TRABD2A: variants seen among roughly 807,000 people sequenced by gnomAD.
The protein encoded by TRABD2A is metalloprotease TIKI1.
TRABD2A carries 43 observed loss-of-function variants against 45.6 expected under a neutral mutation model. That is an observed-to-expected ratio of 0.94 (90% CI 0.74 to 1.22). The LOEUF is 1.22. TRABD2A is among the 50% of genes most tolerant of loss of function. TRABD2A has a pLI of 0.00. For synonymous variants in TRABD2A, 269 were observed against 265.0 expected (o/e 1.02, Z -0.15); for missense variants, 642 against 652.4 (o/e 0.98, Z 0.17).
chr2:84,850,781 T>G (rs757814202), intron 2 of TRABD2A: 2 of 152,190 alleles, frequency 1.3e-5, no homozygotes, highest in African/African-American at 2.4e-5. Context: ...TTATCCTGAT[T>G]AGCAAAAGAG....
chr2:84,839,021 G>T, intron 4 of TRABD2A, 128 bp downstream of exon 4: 1 of 1,059,136 alleles, frequency 9.4e-7, no homozygotes, highest in Non-Finnish European at 1.4e-6. Flanking sequence ...AATAAGTCAA[G>T]GAAGGTGTCA....
At chr2:84,873,436 A>T (rs1384590250) in intron 1 of TRABD2A, among the ~76,000 whole-genome samples, 1 of 152,140 alleles carries the variant, frequency 6.6e-6, no homozygotes, top group Non-Finnish European at 1.5e-5. Flanking sequence ...GAAAAAAAAA[A>T]ATTAAAAACC....
At chr2:84,855,249 G>T (rs1035098953) in intron 2 of TRABD2A, among the ~76,000 whole-genome samples, 1 of 150,504 alleles carries the variant, frequency 6.6e-6, no homozygotes, top group African/African-American at 2.5e-5. Context: ...TTTCAAGAAG[G>T]GCAAGATACA....
At chr2:84,847,269 C>A (rs989521420) in intron 2 of TRABD2A, among the ~76,000 whole-genome samples, 12 of 152,222 alleles carry the variant, frequency 7.9e-5, no homozygotes, top group Non-Finnish European at 1.3e-4. Flanking sequence ...CTCTGAAGGA[C>A]CCCTCTCTGA....
chr2:84,846,181 C>T (rs1012896174), intron 2 of TRABD2A, among the ~76,000 whole-genome samples: 2 of 152,172 alleles, frequency 1.3e-5, no homozygotes, highest in African/African-American at 2.4e-5. Flanking sequence ...GAAGTTTGAA[C>T]AGTGGGCTGT....
rs1681295764 is a variant in TRABD2A at position 84,830,450 on chromosome 2, A to T, written c.1082+1605T>A. ...CGTGAAGACAATGACCTTGAAAAAG[A>T]ACAACATGAAACCACGGAGGGTTTG... On this transcript the variant is annotated intron_variant, in intron 5 of 6. Coordinates refer to ENST00000409520, the MANE Select transcript of TRABD2A (RefSeq NM_001277053.2). This position sits in a 1 kb window ranked among gnomAD's most constrained non-coding sequence, Gnocchi z 4.9. 7.2e-6 allele frequency among the ~76,000 whole-genome samples: 1 copy of T among 138,956 alleles called. No individual in the cohort carries two copies. Among genetic ancestry groups the T allele is most frequent in the African/African-American group, 2.7e-5 (1 of 36,740 alleles). 91.2% of individuals were successfully genotyped at this position (138,956 alleles called of 152,430 possible).
At chr2:84,864,296 T>C (rs1682599847) in intron 2 of TRABD2A, among the ~76,000 whole-genome samples, 1 of 152,092 alleles carries the variant, frequency 6.6e-6, no homozygotes, top group Admixed American at 6.5e-5. Context: ...AGGATTGCCA[T>C]GTAGGAGCAG....
At chr2:84,857,276 C>T (rs556063588) in intron 2 of TRABD2A, among the ~76,000 whole-genome samples, 1 of 152,334 alleles carries the variant, frequency 6.6e-6, no homozygotes, top group South Asian at 2.1e-4. Flanking sequence ...AGTAAATGTC[C>T]AGCCTCTACC....
intron 2 of TRABD2A, among the ~76,000 whole-genome samples, chr2:84,868,642 A>G (rs1212830610): frequency 6.6e-6 from 1 of 152,204 alleles, no homozygotes; most frequent in Non-Finnish European, 1.5e-5. Context: ...CACGTTGTGC[A>G]CATGTACCCT....
At chr2:84,876,359 A>C (rs1683025699) in intron 1 of TRABD2A, among the ~76,000 whole-genome samples, 1 of 132,148 alleles carries the variant, frequency 7.6e-6, no homozygotes. Context: ...TGGGGAAAGA[A>C]GAGCAGCTAG....
chr2:84,859,203 A>G (rs1682413229), intron 2 of TRABD2A, among the ~76,000 whole-genome samples: 1 of 152,240 alleles, frequency 6.6e-6, no homozygotes, highest in African/African-American at 2.4e-5. Flanking sequence ...TGGGAAGATC[A>G]ACAGAAGAGA....
Position 84,824,125 on chromosome 2 carries a change from C to G in TRABD2A, c.1162G>C (p.Ala388Pro). Residue 388 changes from alanine (A) to proline (P), a missense_variant, in exon 6 of 7, where the codon GCA becomes CCA. Physicochemically the swap from Ala to Pro is conservative, Grantham distance 27. Transcript: ENST00000409520. The stretch of plus-strand genomic sequence containing the variant: ...TGCCCTGAGGATACGGCTTCTGGTG[C>G]CGGTACTTCCAGGGTAGGGACTTTT... Reference protein sequence around the residue: ...APKVPTLEVPAPEAVSSGHST... With the variant: ...APKVPTLEVPPPEAVSSGHST... 4 of 1,613,962 alleles carry G rather than the reference C, an allele frequency of 2.5e-6. No homozygotes were observed. The highest frequency in any genetic ancestry group is 3.4e-6 in the Non-Finnish European group (4 of 1,179,882).
chr2:84,866,245 G>T (rs1174297376), intron 2 of TRABD2A, among the ~76,000 whole-genome samples: 2 of 152,210 alleles, frequency 1.3e-5, no homozygotes, highest in Non-Finnish European at 2.9e-5. Context: ...TCTAAAGGGG[G>T]CGGCCAGTGC....
intron 2 of TRABD2A, among the ~76,000 whole-genome samples, chr2:84,862,364 C>A (rs527622975): frequency 6.6e-6 from 1 of 152,304 alleles, no homozygotes; most frequent in East Asian, 1.9e-4. Context: ...TGGGCTGATC[C>A]ACCAAGCAGG....
chr2:84,854,513 C>T (rs1482936249), intron 2 of TRABD2A, among the ~76,000 whole-genome samples: 1 of 152,130 alleles, frequency 6.6e-6, no homozygotes, highest in African/African-American at 2.4e-5. Context: ...AATATCTCAC[C>T]CAAGGTCACA....
At chr2:84,873,114 C>CAAAAAA (rs34974821) in intron 1 of TRABD2A, among the ~76,000 whole-genome samples, 1 of 70,690 alleles carries the variant, frequency 1.4e-5, no homozygotes, top group African/African-American at 5.3e-5. Context: ...GACTTCATCT[C>CAAAAAA]AAAAAAAAAA....
intron 2 of TRABD2A, among the ~76,000 whole-genome samples, chr2:84,862,843 G>A (rs1163195913): frequency 6.6e-6 from 1 of 151,116 alleles, no homozygotes; most frequent in African/African-American, 2.5e-5. Flanking sequence ...GTCTGCACCT[G>A]CGAGCCCAGG....
chr2:84,837,107 C>A (rs1681542681), intron 4 of TRABD2A: 2 of 149,536 alleles, frequency 1.3e-5, no homozygotes, highest in South Asian at 4.2e-4. Flanking sequence ...AGTTCTCCTG[C>A]TTCAGCCTCC....
chr2:84,823,000 T>C (rs911680535), intron 6 of TRABD2A, among the ~76,000 whole-genome samples: 5 of 152,148 alleles, frequency 3.3e-5, no homozygotes, highest in Non-Finnish European at 5.9e-5. Flanking sequence ...TCAACTCTTC[T>C]CCTTCCCTAT....
Sources: gnomAD v4.1 joint callset for allele counts (sites outside exome capture counted in the v4.1 genomes callset) on GRCh38, gnomAD v4.1.1 for gene constraint, Gnocchi (gnomAD v3.1) non-coding constraint, MANE v1.5 for transcripts, NCBI Gene and HGNC (gene_info 2026-07-23, HGNC 2026-07-21) for gene names.